The following NOL4L variants were observed in gnomAD, a reference collection of about 807,000 sequenced individuals.
NOL4L encodes nucleolar protein 4-like.
In NOL4L, 7 loss-of-function variants were observed where a neutral mutation model predicts 64.5. That is an observed-to-expected ratio of 0.11 (90% CI 0.06 to 0.20). The LOEUF (loss-of-function observed/expected upper bound fraction) is 0.20. Among genes scored for constraint, NOL4L ranks in the 10% least tolerant of loss-of-function variants. The probability of loss-of-function intolerance (pLI) is 1.00; values close to 1 mark genes in which losing one functional copy is unlikely to be tolerated. For missense variants in NOL4L, 680 were observed against 967.1 expected (o/e 0.70, Z 3.94); for synonymous variants, 413 against 401.0 (o/e 1.03, Z -0.36).
At chr20:32,462,207 C>T (rs1241203403) in intron 5 of NOL4L, among the ~76,000 whole-genome samples, 3 of 152,276 alleles carry the variant, frequency 2.0e-5, no homozygotes, top group African/African-American at 7.2e-5. Context: ...CTGTGCCTGC[C>T]ACCTAGGAAG....
At chr20:32,583,579 C>A (rs1413316814) in intron 1 of NOL4L, among the ~76,000 whole-genome samples, 5 of 148,470 alleles carry the variant, frequency 3.4e-5, no homozygotes, top group African/African-American at 1.2e-4. Flanking sequence ...GGGCCGGGGG[C>A]GGAACGCACT....
At chr20:32,519,109 G>A (rs1052627445) in intron 3 of NOL4L, among the ~76,000 whole-genome samples, 1 of 152,226 alleles carries the variant, frequency 6.6e-6, no homozygotes, top group African/African-American at 2.4e-5. Flanking sequence ...CTGAATGGTA[G>A]TGCAGCCCTG....
chr20:32,517,493 C>G (rs541362458), intron 3 of NOL4L, among the ~76,000 whole-genome samples: 1 of 152,340 alleles, frequency 6.6e-6, no homozygotes, highest in South Asian at 2.1e-4. Context: ...GGAGGGGAAC[C>G]TGGGGACGGT....
At position 32,487,164 on chromosome 20, in the gene NOL4L, A is replaced by G. The variant is rs1003465952; in HGVS notation, c.700-12422T>C. On this transcript the variant is annotated intron_variant, in intron 4 of 10. Transcript: ENST00000621426. Reference sequence around the variant, plus strand: ...ACACCTGTAATCCCAGCTACTCGGGAGGCTGGGGTAGGAGAATTGCTTGAA... The same window carrying G: ...ACACCTGTAATCCCAGCTACTCGGGGGGCTGGGGTAGGAGAATTGCTTGAA... Among the ~76,000 whole-genome samples the G allele has an allele frequency of 6.6e-5, 10 of 152,248 alleles. No homozygotes were observed. The East Asian group carries it at 1.5e-3, about 24-fold the overall frequency.
chr20:32,580,242 G>T (rs1487916403), intron 1 of NOL4L, among the ~76,000 whole-genome samples: 1 of 152,180 alleles, frequency 6.6e-6, no homozygotes, highest in Non-Finnish European at 1.5e-5. Flanking sequence ...GCTGCTGTGA[G>T]AATTCCACAA....
chr20:32,549,044 G>A (rs900225846), intron 1 of NOL4L, among the ~76,000 whole-genome samples: 6 of 152,210 alleles, frequency 3.9e-5, no homozygotes, highest in Middle Eastern at 3.4e-3. Flanking sequence ...TTGTGACCCC[G>A]GATTAGGCAA....
intron 1 of NOL4L, among the ~76,000 whole-genome samples, chr20:32,550,762 C>G (rs1476718085): frequency 6.6e-6 from 1 of 152,132 alleles, no homozygotes; most frequent in Non-Finnish European, 1.5e-5. Context: ...TGCCTGTAAT[C>G]CCAGCTACTC....
intron 4 of NOL4L, among the ~76,000 whole-genome samples, chr20:32,507,813 G>C (rs1351814209): frequency 6.6e-6 from 1 of 152,090 alleles, no homozygotes; most frequent in East Asian, 1.9e-4. Flanking sequence ...TTCGAGATCA[G>C]CCTGGCCAAC....
chr20:32,526,361 G>A (rs985811890), intron 2 of NOL4L, among the ~76,000 whole-genome samples: 1 of 152,136 alleles, frequency 6.6e-6, no homozygotes. Flanking sequence ...AAGCAGGAGG[G>A]GCGGGGAGAC....
At chr20:32,551,939 C>T (rs1243829042) in intron 1 of NOL4L, among the ~76,000 whole-genome samples, 1 of 151,674 alleles carries the variant, frequency 6.6e-6, no homozygotes, top group African/African-American at 2.4e-5. Flanking sequence ...TGGGTACACA[C>T]CACCATGCCC....
chr20:32,576,125 T>G (rs1980088203), intron 1 of NOL4L, among the ~76,000 whole-genome samples: 1 of 152,074 alleles, frequency 6.6e-6, no homozygotes. Context: ...GGCTCTTGCT[T>G]TGAGTGAGAC....
intron 1 of NOL4L, among the ~76,000 whole-genome samples, chr20:32,551,665 G>T (rs545937306): frequency 1.3e-5 from 2 of 152,186 alleles, no homozygotes; most frequent in Admixed American, 6.5e-5. Context: ...GGGGGAGGGG[G>T]TCAAGAGGAA....
intron 5 of NOL4L, 132 bp downstream of exon 5, chr20:32,474,469 G>T: frequency 1.8e-6 from 2 of 1,089,424 alleles, no homozygotes; most frequent in Non-Finnish European, 2.5e-6. Context: ...GTGCAAGCTT[G>T]GGCCTGAGCC....
At chr20:32,455,695 T>C (rs543451831) in intron 6 of NOL4L, among the ~76,000 whole-genome samples, 2 of 152,320 alleles carry the variant, frequency 1.3e-5, no homozygotes, top group East Asian at 1.9e-4. Context: ...CCCTGGGCCC[T>C]CGCCCTTTTT....
Position 32,584,978 on chromosome 20 carries a change from C to T in NOL4L, c.-88G>A, listed in dbSNP as rs1301708863. On this transcript the variant is annotated 5_prime_UTR_variant, in exon 1 of 11. Transcript: ENST00000621426. ...TGGGCTGGGCTGGGCTGGACCGGGC[C>T]GGGACGCGCCGCGGCCGCGTCTGTC... The T allele has an allele frequency of 2.0e-5, 15 of 737,798 alleles. No homozygotes were observed. In the East Asian group the frequency reaches 1.8e-3, roughly 88 times the overall value. 45.7% of individuals were successfully genotyped at this position (737,798 alleles called of 1,614,324 possible).
intron 3 of NOL4L, among the ~76,000 whole-genome samples, chr20:32,520,483 G>A (rs1489566705): frequency 6.6e-6 from 1 of 152,182 alleles, no homozygotes; most frequent in South Asian, 2.1e-4. Context: ...GGCATGGATG[G>A]AACTTTGAGA....
intron 1 of NOL4L, among the ~76,000 whole-genome samples, chr20:32,572,220 T>C (rs979295215): frequency 6.6e-6 from 1 of 152,212 alleles, no homozygotes; most frequent in Admixed American, 6.5e-5. Context: ...ACTTAACGTA[T>C]CTGAGCCTCC....
intron 1 of NOL4L, among the ~76,000 whole-genome samples, chr20:32,556,435 C>T (rs1402042357): frequency 1.3e-5 from 2 of 152,172 alleles, no homozygotes; most frequent in East Asian, 1.9e-4. Context: ...CCTCCTTGAA[C>T]CCTGTTCTTC....
chr20:32,569,560 G>C (rs554215027), intron 1 of NOL4L, among the ~76,000 whole-genome samples: 1 of 152,096 alleles, frequency 6.6e-6, no homozygotes, highest in Non-Finnish European at 1.5e-5. Context: ...CCTGGGAAAG[G>C]GGGGCTCAGA....
Sources: gnomAD v4.1 joint callset for allele counts (sites outside exome capture counted in the v4.1 genomes callset) on GRCh38, gnomAD v4.1.1 for gene constraint, MANE v1.5 for transcripts, NCBI Gene and HGNC (gene_info 2026-07-23, HGNC 2026-07-21) for gene names.